The following ITPK1 variants were observed in gnomAD, a reference collection of about 807,000 sequenced individuals.
ITPK1 encodes the protein inositol-tetrakisphosphate 1-kinase.
ITPK1 carries 21 observed loss-of-function variants against 45.3 expected under a neutral mutation model. That is an observed-to-expected ratio of 0.46 (90% CI 0.33 to 0.67). ITPK1 has a LOEUF of 0.67. Ranked by LOEUF, ITPK1 falls within the 30% of genes least tolerant of loss-of-function variation. ITPK1 has a pLI of 0.02. For synonymous variants in ITPK1, 258 were observed against 253.6 expected (o/e 1.02, Z -0.16); for missense variants, 474 against 573.5 (o/e 0.83, Z 1.77).
At chr14:93,000,801 A>C (rs374878644) in intron 4 of ITPK1, among the ~76,000 whole-genome samples, 4 of 150,406 alleles carry the variant, frequency 2.7e-5, no homozygotes, top group Admixed American at 6.6e-5. Flanking sequence ...ACATAGCAAA[A>C]CCCCCCGCAA....
In ITPK1 at chr14:92,941,092, G is replaced by C; in HGVS notation, c.*469C>G. ...TAGGAGGAAAAACAAGGAAGGGGCA[G>C]GTCAGGGAGTGGGGAGTCAGGCAGA... On this transcript the variant is annotated 3_prime_UTR_variant, in exon 11 of 11. Transcript: ENST00000267615. 9.2e-6 allele frequency: 11 copies of C among 1,202,060 alleles called. No individual in the cohort carries two copies. The highest frequency in any genetic ancestry group is 1.2e-5 in the Non-Finnish European group (11 of 948,820). The allele number at this position is 1,202,060 out of a possible 1,614,324, so 74.5% of individuals were successfully genotyped here.
At chr14:93,024,539 T>C (rs994635944) in intron 3 of ITPK1, among the ~76,000 whole-genome samples, 1 of 152,226 alleles carries the variant, frequency 6.6e-6, no homozygotes, top group African/African-American at 2.4e-5. Flanking sequence ...CTTCCTCACA[T>C]GAGGCTGGAT....
chr14:93,032,624 A>G lies in ITPK1; in HGVS notation c.121-15823T>C, dbSNP rs1348846073. 6.6e-6 allele frequency among the ~76,000 whole-genome samples: 1 copy of G among 152,092 alleles called. No homozygotes were observed. Among genetic ancestry groups the G allele is most frequent in the Admixed American group, 6.6e-5 (1 of 15,258 alleles). On this transcript the variant is annotated intron_variant, in intron 3 of 10. Transcript: ENST00000267615. This position sits in a 1 kb window ranked among gnomAD's most constrained non-coding sequence, Gnocchi z 4.0. ...ACAGAAATTTACTGACCCACATCTG[A>G]CCTGCCCCACCCTCAATGGGAGGAA...
chr14:93,091,635 C>T (rs530526876), intron 2 of ITPK1, among the ~76,000 whole-genome samples: 76 of 152,268 alleles, frequency 5.0e-4, no homozygotes, highest in African/African-American at 1.7e-3. Context: ...GGGCATGTAA[C>T]TCAGGACACT....
chr14:93,105,669 C>T (rs543043148), intron 2 of ITPK1, among the ~76,000 whole-genome samples: 1 of 151,186 alleles, frequency 6.6e-6, no homozygotes, highest in Admixed American at 6.6e-5. Flanking sequence ...GGATTACAGG[C>T]ACCCACCACC....
intron 5 of ITPK1, among the ~76,000 whole-genome samples, chr14:92,964,616 C>T (rs1224396220): frequency 1.3e-5 from 2 of 152,264 alleles, no homozygotes; most frequent in Non-Finnish European, 2.9e-5. Flanking sequence ...CTGGAGGGTT[C>T]TGCCATAGGC....
intron 3 of ITPK1, among the ~76,000 whole-genome samples, chr14:93,053,611 A>G (rs1363708982): frequency 1.3e-5 from 2 of 152,238 alleles, no homozygotes; most frequent in Non-Finnish European, 2.9e-5. Context: ...TGCAACACCA[A>G]GAGTGAGCCC....
At position 92,938,533 on chromosome 14, in the gene ITPK1, A is replaced by C. The variant is rs1281385139; in HGVS notation, c.*3028T>G. ...AAGCACACTTGGCAGTCCCCTGGGT[A>C]CAGAGAGGAATGTTTTTCCCAGGTT... On this transcript the variant is annotated 3_prime_UTR_variant, in exon 11 of 11. Coordinates refer to ENST00000267615, the MANE Select transcript of ITPK1 (RefSeq NM_014216.6). 3 of 1,611,234 alleles carry C rather than the reference A, an allele frequency of 1.9e-6. No homozygotes were observed. Among genetic ancestry groups the C allele is most frequent in the East Asian group, 2.2e-5 (1 of 44,898 alleles).
chr14:93,019,199 A>G (rs1888345853), intron 3 of ITPK1, among the ~76,000 whole-genome samples: 1 of 152,184 alleles, frequency 6.6e-6, no homozygotes, highest in Admixed American at 6.5e-5. Context: ...CACAGGAGCG[A>G]CGCATCCGGG....
At chr14:93,000,041 G>C (rs1265561889) in intron 4 of ITPK1, among the ~76,000 whole-genome samples, 1 of 152,208 alleles carries the variant, frequency 6.6e-6, no homozygotes, top group Non-Finnish European at 1.5e-5. Flanking sequence ...CTCACATCGT[G>C]TTTTAAAATG....
At chr14:93,111,855 A>G (rs1892768623) in intron 2 of ITPK1, among the ~76,000 whole-genome samples, 1 of 152,186 alleles carries the variant, frequency 6.6e-6, no homozygotes, top group Admixed American at 6.5e-5. Flanking sequence ...ACAGGATGGC[A>G]ACAGGAACAA....
rs527825646 is a variant in ITPK1, at chr14:93,077,616, C to T, written c.96-997G>A. Among the ~76,000 whole-genome samples, 12 of 152,354 alleles carry T rather than the reference C, an allele frequency of 7.9e-5. No individual in the cohort carries two copies. In the East Asian group the frequency reaches 9.6e-4, roughly 12 times the overall value. ...TACAGGCGCGAGCCACCACGTCCAGCCTCCCCCATCCCACATTTCTTACTG... is the reference window on the plus strand; with the variant it reads ...TACAGGCGCGAGCCACCACGTCCAGTCTCCCCCATCCCACATTTCTTACTG... On this transcript the variant is annotated intron_variant, in intron 2 of 10. Coordinates refer to ENST00000267615, the MANE Select transcript of ITPK1 (RefSeq NM_014216.6).
At chr14:93,101,573 G>C (rs1008744352) in intron 2 of ITPK1, among the ~76,000 whole-genome samples, 1 of 152,234 alleles carries the variant, frequency 6.6e-6, no homozygotes, top group African/African-American at 2.4e-5. Context: ...CCGAGGCCGG[G>C]CACGGTGGTT....
intron 5 of ITPK1, among the ~76,000 whole-genome samples, chr14:92,977,543 G>C (rs765962478): frequency 6.6e-6 from 1 of 152,056 alleles, no homozygotes; most frequent in Non-Finnish European, 1.5e-5. Flanking sequence ...GTAATTCCCA[G>C]CATCGGGGGA....
chr14:92,990,616 TG>T (rs770781812), intron 5 of ITPK1, among the ~76,000 whole-genome samples: 3 of 152,204 alleles, frequency 2.0e-5, no homozygotes. Context: ...GAATGAGCTC[TG>T]GGAATGTGGA....
chr14:93,059,599 G>A (rs1378459264), intron 3 of ITPK1, among the ~76,000 whole-genome samples: 2 of 22,650 alleles, frequency 8.8e-5, no homozygotes, highest in African/African-American at 2.3e-4. Flanking sequence ...GAGGGGGTGC[G>A]GGTCACGAGG....
intron 8 of ITPK1, among the ~76,000 whole-genome samples, chr14:92,957,881 C>T (rs138125242): frequency 0.018 from 2,758 of 152,334 alleles, 73 homozygotes; most frequent in Admixed American, 0.08. Context: ...CCTGTCCCAG[C>T]GTGTTCCTCC....
At position 92,938,178 on chromosome 14, in the gene ITPK1, T is replaced by C. The variant is rs369309015; in HGVS notation, c.*3383A>G. 3.4e-5 allele frequency: 16 copies of C among 470,116 alleles called. No homozygotes were observed. Among genetic ancestry groups the C allele is most frequent in the Admixed American group, 7.3e-5 (2 of 27,234 alleles). 29.1% of individuals were successfully genotyped at this position (470,116 alleles called of 1,614,324 possible). ...TTTCACCATGTTGGCCAGGATGGTG[T>C]CGATCTCTTGACCTTGTGATCCACC... is the stretch of plus-strand genomic sequence containing the variant. On this transcript the variant is annotated 3_prime_UTR_variant, in exon 11 of 11. Transcript: ENST00000267615.
chr14:92,983,247 C>T (rs1209817081), intron 5 of ITPK1, among the ~76,000 whole-genome samples: 1 of 152,180 alleles, frequency 6.6e-6, no homozygotes, highest in Non-Finnish European at 1.5e-5. Context: ...TGATTTACAG[C>T]CCCTTCTGGA....
Sources: allele counts gnomAD v4.1 joint callset (sites outside exome capture counted in the v4.1 genomes callset), GRCh38; gene constraint gnomAD v4.1.1; non-coding constraint Gnocchi (gnomAD v3.1); transcripts MANE v1.5; gene names NCBI Gene and HGNC (gene_info 2026-07-23, HGNC 2026-07-21).